DDHD1: variants seen among roughly 807,000 people sequenced by gnomAD.
The protein encoded by DDHD1 is phospholipase DDHD1.
DDHD1 carries 49 observed loss-of-function variants against 96.4 expected under a neutral mutation model. That is an observed-to-expected ratio of 0.51 (90% CI 0.40 to 0.64). The LOEUF is 0.64. Among genes scored for constraint, DDHD1 ranks in the 30% least tolerant of loss-of-function variants. The pLI is 0.00. For missense variants in DDHD1, 1,106 were observed against 1,161.2 expected (o/e 0.95, Z 0.69); for synonymous variants, 442 against 446.5 (o/e 0.99, Z 0.13).
intron 1 of DDHD1, among the ~76,000 whole-genome samples, chr14:53,122,064 G>T (rs991118559): frequency 2.0e-5 from 3 of 152,146 alleles, no homozygotes; most frequent in Non-Finnish European, 2.9e-5. Context: ...GTCCAATTAG[G>T]CTTTACCAGT....
At chr14:53,083,258 T>C (rs1159271006) in intron 4 of DDHD1, among the ~76,000 whole-genome samples, 1 of 152,208 alleles carries the variant, frequency 6.6e-6, no homozygotes. Flanking sequence ...TAAGCTCATG[T>C]GTTCAACATA....
At chr14:53,062,035 CA>C (rs779302322) in intron 7 of DDHD1, among the ~76,000 whole-genome samples, 1,469 of 76,792 alleles carry the variant, frequency 0.019, 15 homozygotes, top group African/African-American at 0.06. Flanking sequence ...ACTCCGTCTC[CA>C]AAAAAAAAAA....
At chr14:53,118,724 T>C (rs1888744490) in intron 1 of DDHD1, among the ~76,000 whole-genome samples, 1 of 152,130 alleles carries the variant, frequency 6.6e-6, no homozygotes, top group African/African-American at 2.4e-5. Flanking sequence ...TGGAACCAAG[T>C]TAGAAAACAC....
At chr14:53,083,285 A>G (rs1185436194) in intron 4 of DDHD1, among the ~76,000 whole-genome samples, 1 of 152,004 alleles carries the variant, frequency 6.6e-6, no homozygotes, top group Admixed American at 6.6e-5. Context: ...TTAACTGAAA[A>G]CCTCTTTATA....
intron 11 of DDHD1, 53 bp downstream of exon 11, chr14:53,054,385 C>T (rs1272239809): frequency 6.5e-7 from 1 of 1,549,692 alleles, no homozygotes; most frequent in Non-Finnish European, 8.8e-7. Flanking sequence ...CCTGCCCTCC[C>T]CAAGTTTTAA....
chr14:53,079,432 G>A (rs546144765), intron 4 of DDHD1, among the ~76,000 whole-genome samples: 8 of 151,998 alleles, frequency 5.3e-5, no homozygotes, highest in Admixed American at 3.3e-4. Context: ...TTTCTTCCTC[G>A]TTACCAGATC....
intron 6 of DDHD1, among the ~76,000 whole-genome samples, chr14:53,071,709 G>C (rs1372853676): frequency 1.3e-5 from 2 of 152,070 alleles, no homozygotes; most frequent in Non-Finnish European, 2.9e-5. Flanking sequence ...CTAATGAAGG[G>C]TAACAGTCTG....
chr14:53,075,182 C>T (rs1287341878), intron 4 of DDHD1, among the ~76,000 whole-genome samples: 1 of 152,072 alleles, frequency 6.6e-6, no homozygotes, highest in East Asian at 1.9e-4. Flanking sequence ...AATGATTGAG[C>T]TTAGTGAGAG....
chr14:53,092,157 G>T (rs570551382), intron 3 of DDHD1: 2 of 348,646 alleles, frequency 5.7e-6, no homozygotes, highest in South Asian at 2.6e-4. Flanking sequence ...GAAATGGAAG[G>T]AAAGAAGGAC....
At chr14:53,078,030 T>C (rs112084675) in intron 4 of DDHD1, among the ~76,000 whole-genome samples, 320 of 152,334 alleles carry the variant, frequency 2.1e-3, no homozygotes, top group African/African-American at 7.5e-3. Context: ...CGCTCATCAG[T>C]TGATGGATGT....
chr14:53,093,403 G>T lies in DDHD1; in HGVS notation c.1054C>A (p.His352Asn). The change falls in exon 3 of 13, where the codon CAC becomes AAC. Residue 352 changes from histidine to asparagine, a missense_variant. Physicochemically the swap from His to Asn is moderately conservative, Grantham distance 68. Around this residue, in one of 2 missense-constraint regions of DDHD1, gnomAD observed 650 missense variants for 758.8 expected, o/e 0.86. Transcript: ENST00000673822. ...TAAAGATATACTTCATCCACACTGTGCCAGTCCACATGGTTTCGACTCAAC... is the reference window on the plus strand; with the variant it reads ...TAAAGATATACTTCATCCACACTGTTCCAGTCCACATGGTTTCGACTCAAC... ...FKLSRNHVDW[H>N]SVDEVYLYSD... 6.2e-7 allele frequency: 1 copy of T among 1,612,612 alleles called. No homozygotes were observed. The highest frequency in any genetic ancestry group is 8.5e-7 in the Non-Finnish European group (1 of 1,179,518).
At chr14:53,084,010 G>T (rs1308443229) in intron 4 of DDHD1, among the ~76,000 whole-genome samples, 1 of 152,072 alleles carries the variant, frequency 6.6e-6, no homozygotes, top group African/African-American at 2.4e-5. Context: ...TTAAGATGAA[G>T]TCAACTTCCA....
rs1891533675 is a variant in DDHD1 at position 53,152,745 on chromosome 14, G to GCAGCTGCGGCGGA, written c.353_354insTCCGCCGCAGCTG (p.Gln122LeufsTer41). 6.3e-7 allele frequency: 1 copy of GCAGCTGCGGCGGA among 1,599,140 alleles called. No individual in the cohort carries two copies. Among genetic ancestry groups the GCAGCTGCGGCGGA allele is most frequent in the South Asian group, 1.1e-5 (1 of 90,200 alleles). On this transcript the variant is annotated frameshift_variant, in exon 1 of 13. Transcript: ENST00000673822. LOFTEE classifies it high-confidence loss of function. ...GGACCAGCGGAGGCTGCTGCGGCGG[G>GCAGCTGCGGCGGA]TGCAGCGACAAGGAGCTGCCGCCGC...
intron 5 of DDHD1, among the ~76,000 whole-genome samples, chr14:53,073,126 TTC>T (rs1271196930): frequency 3.3e-5 from 5 of 152,198 alleles, no homozygotes; most frequent in East Asian, 3.9e-4. Context: ...AATCTAAACA[TTC>T]TGTTTTTATG....
intron 1 of DDHD1, among the ~76,000 whole-genome samples, chr14:53,139,232 T>C (rs767545870): frequency 1.4e-4 from 22 of 152,136 alleles, no homozygotes; most frequent in Non-Finnish European, 1.3e-4. Flanking sequence ...AGAGACACTG[T>C]GCCTAAGAAT....
chr14:53,106,228 T>C (rs559356644), intron 1 of DDHD1, among the ~76,000 whole-genome samples: 3 of 152,242 alleles, frequency 2.0e-5, no homozygotes, highest in Non-Finnish European at 4.4e-5. Context: ...CATTTAAATA[T>C]AGTAAATTAT....
intron 4 of DDHD1, among the ~76,000 whole-genome samples, chr14:53,090,791 C>T (rs1369188903): frequency 6.6e-6 from 1 of 151,786 alleles, no homozygotes; most frequent in East Asian, 1.9e-4. Context: ...TTAATGGGTA[C>T]AGCAAACCAA....
intron 1 of DDHD1, among the ~76,000 whole-genome samples, chr14:53,149,165 A>T (rs959583065): frequency 1.3e-5 from 2 of 152,188 alleles, no homozygotes; most frequent in Non-Finnish European, 2.9e-5. Flanking sequence ...AATTAGTTCA[A>T]ATTTTATCTG....
At chr14:53,059,724 C>G (rs1206268572) in intron 8 of DDHD1, among the ~76,000 whole-genome samples, 1 of 149,108 alleles carries the variant, frequency 6.7e-6, no homozygotes, top group Non-Finnish European at 1.5e-5. Context: ...ATTAGCTGGG[C>G]GTGGTGGCGG....
Sources: gnomAD v4.1 joint callset for allele counts (sites outside exome capture counted in the v4.1 genomes callset) on GRCh38, gnomAD v4.1.1 for gene constraint, gnomAD v4.1.1 regional missense constraint, MANE v1.5 for transcripts, NCBI Gene and HGNC (gene_info 2026-07-23, HGNC 2026-07-21) for gene names.